TMEFF2: variants seen among roughly 807,000 people sequenced by gnomAD.
The protein encoded by TMEFF2 is tomoregulin-2.
TMEFF2 carries 28 observed loss-of-function variants against 53.8 expected under a neutral mutation model. The observed-to-expected ratio is 0.52, with a 90% confidence interval of 0.39 to 0.71. TMEFF2 has a LOEUF of 0.71. TMEFF2 is among the 30% of genes least tolerant of loss of function. The probability of loss-of-function intolerance (pLI) is 0.00; values close to 1 mark genes in which losing one functional copy is unlikely to be tolerated. For missense variants in TMEFF2, 353 were observed against 455.2 expected, an observed-to-expected ratio of 0.78 and a Z score of 2.04; for synonymous variants, 162 against 166.3, an observed-to-expected ratio of 0.97 and a Z score of 0.20.
chr2:192,072,445 A>G (rs1302365030), intron 4 of TMEFF2, among the ~76,000 whole-genome samples: 3 of 151,920 alleles, frequency 2.0e-5, no homozygotes, highest in African/African-American at 7.2e-5. Flanking sequence ...AAAAAGCAAC[A>G]CATTTTTTTT....
At chr2:192,045,307 T>C (rs962891342) in intron 5 of TMEFF2, among the ~76,000 whole-genome samples, 4 of 152,202 alleles carry the variant, frequency 2.6e-5, no homozygotes, top group Non-Finnish European at 4.4e-5. Context: ...AGGTAGGACA[T>C]GTGACTGTAC....
At chr2:192,059,637 G>A (rs896417238) in intron 4 of TMEFF2, among the ~76,000 whole-genome samples, 3 of 152,170 alleles carry the variant, frequency 2.0e-5, no homozygotes, top group Non-Finnish European at 4.4e-5. Flanking sequence ...TTCTTCAGCA[G>A]TTGAGATCTT....
At chr2:192,014,001 A>G (rs762677311) in intron 5 of TMEFF2, among the ~76,000 whole-genome samples, 1 of 152,250 alleles carries the variant, frequency 6.6e-6, no homozygotes, top group African/African-American at 2.4e-5. Flanking sequence ...AATTAGATCA[A>G]TGCATATTGT....
intron 4 of TMEFF2, among the ~76,000 whole-genome samples, chr2:192,147,419 G>A (rs1690279375): frequency 6.6e-6 from 1 of 151,842 alleles, no homozygotes; most frequent in Admixed American, 6.6e-5. Flanking sequence ...CCATGTTGGT[G>A]TGCTGCACCC....
At chr2:191,990,817 TTC>T (rs1686087131) in intron 7 of TMEFF2, among the ~76,000 whole-genome samples, 1 of 151,754 alleles carries the variant, frequency 6.6e-6, no homozygotes, top group African/African-American at 2.4e-5. Flanking sequence ...ACATTAACAT[TTC>T]TGAGTGAAAA....
At chr2:192,014,287 C>T (rs893230008) in intron 5 of TMEFF2, among the ~76,000 whole-genome samples, 1 of 152,152 alleles carries the variant, frequency 6.6e-6, no homozygotes, top group African/African-American at 2.4e-5. Context: ...TAAAGGTCCC[C>T]AGAGTTTGAG....
In TMEFF2 at chr2:191,949,343, G is replaced by C; in HGVS notation, c.*968C>G. 1.0e-6 allele frequency: 1 copy of C among 985,340 alleles called. No homozygotes were observed. Among genetic ancestry groups the C allele is most frequent in the Non-Finnish European group, 1.2e-6 (1 of 829,902 alleles). The allele number at this position is 985,340 out of a possible 1,614,324, so 61.0% of individuals were successfully genotyped here. On this transcript the variant is annotated 3_prime_UTR_variant, in exon 10 of 10. Transcript: ENST00000272771. ...ATGAAATATCGTCATCATCATCTTA[G>C]TTCCATTACAAATTATGGTGCTGCA...
chr2:192,022,353 G>T (rs1686876912), intron 5 of TMEFF2, among the ~76,000 whole-genome samples: 1 of 152,152 alleles, frequency 6.6e-6, no homozygotes, highest in Admixed American at 6.5e-5. Flanking sequence ...TGCATGTTCT[G>T]GTTTGTCCTT....
chr2:192,091,800 T>A (rs1436186777), intron 4 of TMEFF2, among the ~76,000 whole-genome samples: 1 of 152,178 alleles, frequency 6.6e-6, no homozygotes, highest in Admixed American at 6.6e-5. Flanking sequence ...TGAACTGCTA[T>A]GTGCCTTTTA....
chr2:192,112,249 G>T (rs772264799), intron 4 of TMEFF2, among the ~76,000 whole-genome samples: 2 of 152,150 alleles, frequency 1.3e-5, no homozygotes, highest in African/African-American at 2.4e-5. Context: ...CAAGAGGGAG[G>T]CTGTCACTGC....
At chr2:192,113,693 C>T (rs1252779664) in intron 4 of TMEFF2, among the ~76,000 whole-genome samples, 1 of 151,998 alleles carries the variant, frequency 6.6e-6, no homozygotes, top group African/African-American at 2.4e-5. Flanking sequence ...AAGCAATAAG[C>T]TTATATATGA....
chr2:192,017,136 A>G (rs578013729), intron 5 of TMEFF2, among the ~76,000 whole-genome samples: 146 of 152,308 alleles, frequency 9.6e-4, no homozygotes, highest in African/African-American at 2.7e-3. Flanking sequence ...GCATGAAGCC[A>G]TTGTTTAAGG....
rs139249722 is a variant in TMEFF2 at position 192,082,331 on chromosome 2, T to G, written c.440-24556A>C. ...CTTTCCCGCTAAGACCACACGAGGC[T>G]TTAGGATTCTTATCAGCACAGAGCG... On this transcript the variant is annotated intron_variant, in intron 4 of 9. Coordinates refer to ENST00000272771, the MANE Select transcript of TMEFF2 (RefSeq NM_016192.4). Among the ~76,000 whole-genome samples the G allele has an allele frequency of 3.0e-3, 452 of 152,270 alleles. 3 individuals carry two copies. The highest frequency in any genetic ancestry group is 9.9e-3 in the African/African-American group (413 of 41,550).
intron 4 of TMEFF2, among the ~76,000 whole-genome samples, chr2:192,071,109 A>C (rs1688285120): frequency 2.0e-5 from 3 of 151,886 alleles, no homozygotes; most frequent in Admixed American, 2.0e-4. Context: ...GATAGTAAAA[A>C]GTGTCAAATG....
At chr2:192,168,897 CG>C (rs1271354915) in intron 4 of TMEFF2, among the ~76,000 whole-genome samples, 28 of 151,924 alleles carry the variant, frequency 1.8e-4, no homozygotes, top group African/African-American at 6.0e-4. Flanking sequence ...GGCTAGAGTA[CG>C]GTTGCTATTT....
At chr2:192,085,708 G>GTA (rs1364232536) in intron 4 of TMEFF2, among the ~76,000 whole-genome samples, 1 of 113,442 alleles carries the variant, frequency 8.8e-6, no homozygotes, top group African/African-American at 3.5e-5. Flanking sequence ...CATAGAAGCA[G>GTA]GAAAAAAAAA....
In TMEFF2 at chr2:192,191,951, T is replaced by C. The variant is rs1691471802; in HGVS notation, c.211A>G (p.Thr71Ala). The C allele has an allele frequency of 6.2e-7, 1 of 1,613,432 alleles. No homozygotes were observed. Among genetic ancestry groups the C allele is most frequent in the Non-Finnish European group, 8.5e-7 (1 of 1,179,626 alleles). Residue 71 changes from threonine to alanine, a missense_variant, in exon 2 of 10, where the codon ACC (threonine) becomes GCC (alanine). Coordinates refer to ENST00000272771, the MANE Select transcript of TMEFF2 (RefSeq NM_016192.4). The part of the protein sequence containing the change: ...DRENDLFLCD[T>A]NTCKFDGECL... Reference sequence around the variant, plus strand: ...TCCCCATCAAATTTACAGGTGTTGGTGTCACAGAGGAAGAGATCATTTTCT... The same window carrying C: ...TCCCCATCAAATTTACAGGTGTTGGCGTCACAGAGGAAGAGATCATTTTCT...
Position 191,997,225 on chromosome 2 carries a change from T to TA in TMEFF2, c.745+1036dup, listed in dbSNP as rs201006918. Among the ~76,000 whole-genome samples the TA allele has an allele frequency of 5.4e-3, 815 of 152,018 alleles. 9 individuals are homozygous for TA. The highest frequency in any genetic ancestry group is 0.019 in the African/African-American group (785 of 41,552). ...ATGATAATTTCTGTCTTATAGCACATAAAAAATCCATCTACATATTGAAAA... is the reference window on the plus strand; with the variant it reads ...ATGATAATTTCTGTCTTATAGCACATAAAAAAATCCATCTACATATTGAAAA... On this transcript the variant is annotated intron_variant, in intron 7 of 9. Coordinates refer to ENST00000272771, the MANE Select transcript of TMEFF2 (RefSeq NM_016192.4).
chr2:192,169,712 G>A (rs536364954), intron 4 of TMEFF2, among the ~76,000 whole-genome samples: 1 of 152,188 alleles, frequency 6.6e-6, no homozygotes, highest in East Asian at 1.9e-4. Flanking sequence ...TATTGGTGGA[G>A]GGTCTGAAGA....
Sources: gnomAD v4.1 joint callset for allele counts (sites outside exome capture counted in the v4.1 genomes callset) on GRCh38, gnomAD v4.1.1 for gene constraint, MANE v1.5 for transcripts, NCBI Gene and HGNC (gene_info 2026-07-23, HGNC 2026-07-21) for gene names.